The following HMG20A variants were observed in gnomAD, a reference collection of about 807,000 sequenced individuals.
HMG20A encodes high mobility group 20A, also known as high mobility group protein 20A.
Under a neutral mutation model 43.9 loss-of-function variants are expected in HMG20A, and 17 were observed. That is an observed-to-expected ratio of 0.39 (90% CI 0.27 to 0.58). The LOEUF is 0.58. HMG20A is among the 20% of genes least tolerant of loss of function. The probability of loss-of-function intolerance (pLI) is 0.59; values close to 1 mark genes in which losing one functional copy is unlikely to be tolerated. For synonymous variants in HMG20A, 132 were observed against 147.5 expected, an observed-to-expected ratio of 0.89 and a Z score of 0.76; for missense variants, 341 against 438.2, an observed-to-expected ratio of 0.78 and a Z score of 1.98.
chr15:77,469,460 C>A (rs189528931), intron 4 of HMG20A, among the ~76,000 whole-genome samples: 306 of 152,070 alleles, frequency 2.0e-3, no homozygotes, highest in Non-Finnish European at 3.5e-3. Flanking sequence ...ACCCCTCCCA[C>A]CTTAGCCTCC....
the HMG20A span, among the ~76,000 whole-genome samples, chr15:77,518,400 C>T: frequency 6.6e-6 from 1 of 152,168 alleles, no homozygotes; most frequent in South Asian, 2.1e-4. Flanking sequence ...GGTGATCTAG[C>T]CCACCTGCCT....
rs749576606 is a variant in HMG20A at position 77,467,166 on chromosome 15, C to G, written c.309C>G (p.Pro103=). ...AACCTCTTCGAGACAGCAATGCACC[C>G]AAATCCCCCCTTACAGGATATGTTC... ...RKKPLRDSNA[P]KSPLTGYVRF... is the part of the protein sequence containing the mutation. Residue 103 remains proline (P), a synonymous_variant, in exon 4 of 10, where the codon CCC becomes CCG. Transcript: ENST00000336216. 2 of 1,614,066 alleles carry G rather than the reference C, an allele frequency of 1.2e-6. No homozygotes were observed. Among genetic ancestry groups the G allele is most frequent in the East Asian group, 4.5e-5 (2 of 44,876 alleles).
intron 2 of HMG20A, among the ~76,000 whole-genome samples, chr15:77,460,101 T>C (rs1162726921): frequency 3.3e-5 from 5 of 152,112 alleles, no homozygotes; most frequent in Non-Finnish European, 7.4e-5. Flanking sequence ...GGAGACCAGT[T>C]AGGGAGGCTC....
chr15:77,471,462 T>C (rs2072807737), intron 5 of HMG20A, among the ~76,000 whole-genome samples: 1 of 152,226 alleles, frequency 6.6e-6, no homozygotes, highest in African/African-American at 2.4e-5. Context: ...TTCTCTATAC[T>C]TGGGCATCTA....
In HMG20A at chr15:77,424,564, A is replaced by G. The variant is rs183015961; in HGVS notation, c.-5+3560A>G. Among the ~76,000 whole-genome samples, 101 of 152,074 alleles carry G rather than the reference A, an allele frequency of 6.6e-4. 2 individuals carry two copies. The highest frequency in any genetic ancestry group is 2.4e-3 in the African/African-American group (100 of 41,470). ...CATTAATGCAATTATCTTACCCCCAATCTTGCTTCTGCTACTCTGGCTATT... is the reference window on the plus strand; with the variant it reads ...CATTAATGCAATTATCTTACCCCCAGTCTTGCTTCTGCTACTCTGGCTATT... On this transcript the variant is annotated intron_variant, in intron 1 of 9. Transcript: ENST00000336216.
At chr15:77,507,586 A>G in the HMG20A span, among the ~76,000 whole-genome samples, 1 of 152,270 alleles carries the variant, frequency 6.6e-6, no homozygotes, top group Non-Finnish European at 1.5e-5. Flanking sequence ...AGGGTGTGGC[A>G]TCAAGCCAAG....
intron 6 of HMG20A, among the ~76,000 whole-genome samples, chr15:77,472,792 C>T (rs1489308067): frequency 6.6e-6 from 1 of 152,226 alleles, no homozygotes; most frequent in African/African-American, 2.4e-5. Context: ...CCTCATGGCT[C>T]TCTATACTTG....
downstream of HMG20A, among the ~76,000 whole-genome samples, chr15:77,487,148 A>G (rs950178632): frequency 5.3e-5 from 8 of 152,230 alleles, no homozygotes; most frequent in African/African-American, 1.9e-4. Context: ...AGGGCCCTCT[A>G]AAGAGTCTTC....
intron 1 of HMG20A, among the ~76,000 whole-genome samples, chr15:77,441,784 T>C (rs544613387): frequency 2.6e-5 from 4 of 152,310 alleles, no homozygotes; most frequent in African/African-American, 9.6e-5. Context: ...TTGATTGTAA[T>C]TTATCAACTT....
chr15:77,468,584 CTCTCTCTCTCTG>C (rs2072778073), intron 4 of HMG20A, among the ~76,000 whole-genome samples: 1 of 140,834 alleles, frequency 7.1e-6, no homozygotes, highest in Non-Finnish European at 1.6e-5. Context: ...CTCTCTCTCT[CTCTCTCTCTCTG>C]TCACACACAC....
At chr15:77,475,118 G>T (rs1259473444) in intron 6 of HMG20A, among the ~76,000 whole-genome samples, 1 of 152,132 alleles carries the variant, frequency 6.6e-6, no homozygotes, top group African/African-American at 2.4e-5. Context: ...GACCCTTTCA[G>T]TGAAAGGGTA....
the HMG20A span, among the ~76,000 whole-genome samples, chr15:77,518,359 TC>T: frequency 5.3e-4 from 81 of 152,210 alleles, no homozygotes; most frequent in African/African-American, 1.9e-3. Flanking sequence ...CTGGATAAAA[TC>T]CCAGCCTTTC....
At chr15:77,463,209 GTGT>G (rs1468355173) in intron 2 of HMG20A, among the ~76,000 whole-genome samples, 1 of 152,062 alleles carries the variant, frequency 6.6e-6, no homozygotes, top group Non-Finnish European at 1.5e-5. Flanking sequence ...ATCTGGAATC[GTGT>G]TGTTTACCTT....
At chr15:77,507,074 G>T in the HMG20A span, among the ~76,000 whole-genome samples, 1 of 152,186 alleles carries the variant, frequency 6.6e-6, no homozygotes, top group Non-Finnish European at 1.5e-5. Flanking sequence ...CAGAATAAAC[G>T]CCTGAGTAAG....
the HMG20A span, among the ~76,000 whole-genome samples, chr15:77,497,655 T>TAGAGAGAGAGAGAG: frequency 1.9e-3 from 241 of 127,876 alleles, 1 homozygote; most frequent in African/African-American, 6.9e-3. Flanking sequence ...GAGATATTAA[T>TAGAGAGAGAGAGAG]AGAGAGAGAG....
intron 3 of HMG20A, among the ~76,000 whole-genome samples, chr15:77,465,128 G>A (rs1567402935): frequency 6.6e-6 from 1 of 151,664 alleles, no homozygotes; most frequent in Non-Finnish European, 1.5e-5. Flanking sequence ...CAGGTGCAGT[G>A]GTGTGTGCCT....
chr15:77,512,542 T>G, the HMG20A span, among the ~76,000 whole-genome samples: 1 of 152,076 alleles, frequency 6.6e-6, no homozygotes, highest in Non-Finnish European at 1.5e-5. Context: ...TGAGTTAATA[T>G]TAACACAAGT....
At chr15:77,442,122 A>G (rs576871861) in intron 1 of HMG20A, among the ~76,000 whole-genome samples, 1 of 152,312 alleles carries the variant, frequency 6.6e-6, no homozygotes, top group Non-Finnish European at 1.5e-5. Context: ...ACATATAACA[A>G]CCTCAGATAT....
chr15:77,516,264 A>G, the HMG20A span, among the ~76,000 whole-genome samples: 2 of 152,200 alleles, frequency 1.3e-5, no homozygotes, highest in Admixed American at 1.3e-4. Flanking sequence ...CAACGATGGC[A>G]TGCATAGTCA....
Sources: gnomAD v4.1 joint callset for allele counts (sites outside exome capture counted in the v4.1 genomes callset) on GRCh38, gnomAD v4.1.1 for gene constraint, MANE v1.5 for transcripts, NCBI Gene and HGNC (gene_info 2026-07-23, HGNC 2026-07-21) for gene names.